The following KIAA1217 variants were observed in gnomAD, a reference collection of about 807,000 sequenced individuals.
The protein encoded by KIAA1217 is KIAA1217, also known as sickle tail protein homolog.
In KIAA1217, 88 loss-of-function variants were observed where a neutral mutation model predicts 163.9. The observed-to-expected ratio is 0.54, with a 90% CI of 0.45 to 0.64. The LOEUF is 0.64. Ranked by LOEUF, KIAA1217 falls within the 30% of genes least tolerant of loss-of-function variation. The pLI is 0.00. For synonymous variants in KIAA1217, 903 were observed against 923.1 expected, an observed-to-expected ratio of 0.98 and a Z score of 0.39; for missense variants, 2,372 against 2,475.0, an observed-to-expected ratio of 0.96 and a Z score of 0.88.
In KIAA1217 at chr10:24,333,082, T is replaced by A. The variant is rs193089370; in HGVS notation, c.355-47787T>A. ...TGTCACCCAGGCTGGAGCGGGGTGG[T>A]GTGATCTCGGCTCACTGCAACCTCT... On this transcript the variant is annotated intron_variant, in intron 2 of 20. Coordinates refer to ENST00000376454, the MANE Select transcript of KIAA1217 (RefSeq NM_019590.5). 3.3e-5 allele frequency among the ~76,000 whole-genome samples: 5 copies of A among 152,110 alleles called. No homozygotes were observed. The East Asian group carries it at 9.7e-4, about 29-fold the overall frequency.
At chr10:24,009,156 A>T (rs545236718) in intron 2 of KIAA1217, among the ~76,000 whole-genome samples, 4 of 152,340 alleles carry the variant, frequency 2.6e-5, no homozygotes, top group South Asian at 2.1e-4. Context: ...AGAATAAAAT[A>T]AAGCTGGAAA....
chr10:24,172,845 C>T (rs903517925), intron 2 of KIAA1217, among the ~76,000 whole-genome samples: 2 of 152,220 alleles, frequency 1.3e-5, no homozygotes, highest in African/African-American at 2.4e-5. Flanking sequence ...TGTGATACTT[C>T]AGACCTGCTC....
At chr10:23,984,382 C>T (rs920088303) in intron 1 of KIAA1217, among the ~76,000 whole-genome samples, 2 of 152,172 alleles carry the variant, frequency 1.3e-5, no homozygotes, top group Non-Finnish European at 2.9e-5. Flanking sequence ...TTAACTATCT[C>T]AAAAGCTTTG....
At chr10:23,827,335 GC>G (rs1352599057) in intron 1 of KIAA1217, among the ~76,000 whole-genome samples, 1 of 152,150 alleles carries the variant, frequency 6.6e-6, no homozygotes, top group Non-Finnish European at 1.5e-5. Flanking sequence ...TCTGTGGCAG[GC>G]TGATAGTAAA....
rs973288294 is a variant in KIAA1217 at position 23,695,633 on chromosome 10, C to T, written c.-321+399C>T. Among the ~76,000 whole-genome samples the T allele has an allele frequency of 4.6e-5, 7 of 152,070 alleles. No individual in the cohort carries two copies. The highest frequency in any genetic ancestry group is 8.8e-5 in the Non-Finnish European group (6 of 68,022). On this transcript the variant is annotated intron_variant, in intron 1 of 18. Transcript: ENST00000376462. This position sits in a 1 kb window ranked among gnomAD's most constrained non-coding sequence, Gnocchi z 4.9. Reference sequence around the variant, plus strand: ...CTAGGATGTTGCCTCGTTTTTCACTCGGGGCTGCGAAGAGGGCATTGCTCT... The same window carrying T: ...CTAGGATGTTGCCTCGTTTTTCACTTGGGGCTGCGAAGAGGGCATTGCTCT...
chr10:23,898,212 C>G (rs565548583), intron 1 of KIAA1217, among the ~76,000 whole-genome samples: 1 of 152,014 alleles, frequency 6.6e-6, no homozygotes, highest in South Asian at 2.1e-4. Flanking sequence ...GAACTCAGTT[C>G]TGTATACTCC....
intron 4 of KIAA1217, among the ~76,000 whole-genome samples, chr10:24,436,181 T>TA (rs1177237309): frequency 6.6e-6 from 1 of 152,050 alleles, no homozygotes; most frequent in African/African-American, 2.4e-5. Flanking sequence ...AAGTTATTTT[T>TA]AAAAAACTCT....
intron 3 of KIAA1217, among the ~76,000 whole-genome samples, chr10:24,419,187 A>AAG (rs1554856739): frequency 2.1e-4 from 32 of 151,808 alleles, no homozygotes; most frequent in African/African-American, 6.8e-4. Flanking sequence ...AAAAAAAAAA[A>AAG]AAAGAAAGAA....
At chr10:24,357,910 T>A (rs1234155106) in intron 2 of KIAA1217, among the ~76,000 whole-genome samples, 2 of 152,146 alleles carry the variant, frequency 1.3e-5, no homozygotes, top group Non-Finnish European at 2.9e-5. Flanking sequence ...ATTGGGCCTG[T>A]TCCAGGGCTG....
At position 24,484,238 on chromosome 10, in the gene KIAA1217, TATA is replaced by T. The variant is rs1308231858; in HGVS notation, c.1679+10179_1679+10181del. The stretch of plus-strand genomic sequence containing the variant: ...AGATAGATATACATATATATATATA[TATA>T]TTTTTTTTTTTTTTTTTTTTTTTGA... On this transcript the variant is annotated intron_variant, in intron 6 of 20. Coordinates refer to ENST00000376454, the MANE Select transcript of KIAA1217 (RefSeq NM_019590.5). Among the ~76,000 whole-genome samples the T allele has an allele frequency of 5.3e-5, 5 of 93,878 alleles. No homozygotes were observed. In the South Asian group the frequency reaches 2.1e-3, roughly 40 times the overall value. The allele number at this position is 93,878 out of a possible 152,430, so 61.6% of individuals were successfully genotyped here.
intron 1 of KIAA1217, among the ~76,000 whole-genome samples, chr10:23,753,023 G>A (rs775322578): frequency 1.3e-5 from 2 of 152,128 alleles, no homozygotes; most frequent in Admixed American, 6.5e-5. Context: ...TTGAGATCAT[G>A]GGTTTTTTGA....
intron 1 of KIAA1217, among the ~76,000 whole-genome samples, chr10:23,820,895 T>C (rs1270417241): frequency 6.6e-6 from 1 of 152,132 alleles, no homozygotes; most frequent in Non-Finnish European, 1.5e-5. Flanking sequence ...AATGGCAAAA[T>C]CATCGCTGTA....
chr10:24,028,181 T>C (rs970770717), intron 2 of KIAA1217, among the ~76,000 whole-genome samples: 3 of 152,040 alleles, frequency 2.0e-5, no homozygotes, highest in Non-Finnish European at 4.4e-5. Flanking sequence ...AAAATGGAAT[T>C]TTGGCAAAGC....
intron 1 of KIAA1217, among the ~76,000 whole-genome samples, chr10:23,954,211 A>G (rs1844458783): frequency 6.6e-6 from 1 of 152,168 alleles, no homozygotes; most frequent in South Asian, 2.1e-4. Context: ...AGATTAAAGC[A>G]GATGCACCCA....
intron 1 of KIAA1217, among the ~76,000 whole-genome samples, chr10:23,764,414 G>A (rs1425130290): frequency 6.6e-6 from 1 of 151,678 alleles, no homozygotes; most frequent in Non-Finnish European, 1.5e-5. Context: ...CAAGGATTTA[G>A]AACCATTTGA....
intron 1 of KIAA1217, among the ~76,000 whole-genome samples, chr10:23,755,671 AT>A: frequency 6.6e-6 from 1 of 152,192 alleles, no homozygotes; most frequent in Non-Finnish European, 1.5e-5. Flanking sequence ...TTAATAGGTT[AT>A]TGTGGAAGGA....
At chr10:24,244,959 A>G (rs1045030652) in intron 2 of KIAA1217, among the ~76,000 whole-genome samples, 15 of 152,222 alleles carry the variant, frequency 9.9e-5, no homozygotes, top group African/African-American at 3.6e-4. Context: ...TGGTTGTATA[A>G]TTACAAGAGC....
chr10:24,087,121 G>A (rs1168968798), intron 2 of KIAA1217, among the ~76,000 whole-genome samples: 1 of 152,150 alleles, frequency 6.6e-6, no homozygotes, highest in Non-Finnish European at 1.5e-5. Context: ...CACCAATGAT[G>A]ACTTAGAATG....
intron 1 of KIAA1217, among the ~76,000 whole-genome samples, chr10:23,728,298 C>T (rs1319955992): frequency 6.6e-6 from 1 of 152,152 alleles, no homozygotes; most frequent in Non-Finnish European, 1.5e-5. Flanking sequence ...GAAAGTGTTC[C>T]TATTTCTCCA....
Sources: allele counts gnomAD v4.1 joint callset (sites outside exome capture counted in the v4.1 genomes callset), GRCh38; gene constraint gnomAD v4.1.1; non-coding constraint Gnocchi (gnomAD v3.1); transcripts MANE v1.5; gene names NCBI Gene and HGNC (gene_info 2026-07-23, HGNC 2026-07-21).